The following PCBP1 variants were observed in gnomAD, a reference collection of about 807,000 sequenced individuals.
PCBP1 encodes poly(rC)-binding protein 1.
For synonymous variants in PCBP1, 284 were observed against 195.8 expected (o/e 1.45, Z -3.76); for missense variants, 244 against 474.4 (o/e 0.51, Z 4.51).
Position 70,088,380 on chromosome 2 carries a change from G to A in PCBP1, c.637G>A (p.Asp213Asn), listed in dbSNP as rs1440700316. The change falls in exon 1 of 1, where the codon GAC becomes AAC. Residue 213 changes from aspartate (D) to asparagine (N), a missense_variant. Transcript: ENST00000303577. This position sits in a 1 kb window ranked among gnomAD's most constrained non-coding sequence, Gnocchi z 4.5. The part of the protein sequence containing the change: ...DAAGYPHATH[D>N]LEGPPLDAYS... ...TGCGGGCTACCCCCATGCCACCCATGACCTGGAGGGACCACCTCTAGATGC... is the reference window on the plus strand; with the variant it reads ...TGCGGGCTACCCCCATGCCACCCATAACCTGGAGGGACCACCTCTAGATGC... 1 of 1,614,042 alleles carries A rather than the reference G, an allele frequency of 6.2e-7. No homozygotes were observed. Among genetic ancestry groups the A allele is most frequent in the Non-Finnish European group, 8.5e-7 (1 of 1,180,036 alleles).
rs1378784242 is a variant in PCBP1 at position 70,088,918 on chromosome 2, C to G, written c.*104C>G. ...AGGTTTTAAATAATTTGTAAGTGTTCAGTTTCTACACAACTTTATCATCCG... is the reference window on the plus strand; with the variant it reads ...AGGTTTTAAATAATTTGTAAGTGTTGAGTTTCTACACAACTTTATCATCCG... On this transcript the variant is annotated 3_prime_UTR_variant, in exon 1 of 1. Transcript: ENST00000303577. This position sits in a 1 kb window ranked among gnomAD's most constrained non-coding sequence, Gnocchi z 4.5. 2.6e-6 allele frequency: 2 copies of G among 772,028 alleles called. No individual in the cohort carries two copies. Among genetic ancestry groups the G allele is most frequent in the African/African-American group, 3.5e-5 (2 of 56,968 alleles). 47.8% of individuals were successfully genotyped at this position (772,028 alleles called of 1,614,324 possible).
Position 70,087,915 on chromosome 2 carries a change from A to C in PCBP1, c.172A>C (p.Ile58Leu). ...NISEGNCPER[I>L]ITLTGPTNAI... ...CTCGGAGGGGAATTGTCCGGAGAGA[A>C]TCATCACTCTGACCGGCCCCACCAA... The change falls in exon 1 of 1, where the codon ATC becomes CTC. Residue 58 changes from isoleucine (I) to leucine (L), a missense_variant. By Grantham distance (5) the Ile-to-Leu change is conservative. Coordinates refer to ENST00000303577, the MANE Select transcript of PCBP1 (RefSeq NM_006196.4). 1 of 1,611,806 alleles carries C rather than the reference A, an allele frequency of 6.2e-7. No individual in the cohort carries two copies. Among genetic ancestry groups the C allele is most frequent in the Non-Finnish European group, 8.5e-7 (1 of 1,178,298 alleles).
At position 70,087,723 on chromosome 2, in the gene PCBP1, G is replaced by A. The variant is rs895883811; in HGVS notation, c.-21G>A. 1.3e-6 allele frequency: 2 copies of A among 1,508,172 alleles called. No individual in the cohort carries two copies. Among genetic ancestry groups the A allele is most frequent in the Non-Finnish European group, 1.8e-6 (2 of 1,116,130 alleles). The allele number at this position is 1,508,172 out of a possible 1,614,324, so 93.4% of individuals were successfully genotyped here. A position where few individuals can be genotyped will look rare whatever the true frequency, so the allele number is the denominator to read the frequency against. On this transcript the variant is annotated 5_prime_UTR_variant, in exon 1 of 1. Coordinates refer to ENST00000303577, the MANE Select transcript of PCBP1 (RefSeq NM_006196.4). ...ACCACGTAACGAGCCCAACTCCCCC[G>A]AACGCCGCCCGCCGCTCGCCATGGA...
In PCBP1 at chr2:70,087,653, T is replaced by G; in HGVS notation, c.-91T>G. 2.4e-6 allele frequency: 2 copies of G among 836,770 alleles called. No homozygotes were observed. Among genetic ancestry groups the G allele is most frequent in the Non-Finnish European group, 3.7e-6 (2 of 546,130 alleles). 51.8% of individuals were successfully genotyped at this position (836,770 alleles called of 1,614,324 possible). A position where few individuals can be genotyped will look rare whatever the true frequency, so the allele number is the denominator to read the frequency against. ...CCCTCGCTCGCCTCGCGCCGGCAGT[T>G]TTGGGCCTACACCTCCCCTCCCCCC... On this transcript the variant is annotated 5_prime_UTR_variant, in exon 1 of 1. Transcript: ENST00000303577.
At position 70,088,369 on chromosome 2, in the gene PCBP1, A is replaced by T. The variant is rs991725375; in HGVS notation, c.626A>T (p.His209Leu). 5 of 1,613,978 alleles carry T rather than the reference A, an allele frequency of 3.1e-6. No homozygotes were observed. Among genetic ancestry groups the T allele is most frequent in the Non-Finnish European group, 4.2e-6 (5 of 1,180,028 alleles). ...TGCAGCGACGCTGCGGGCTACCCCCATGCCACCCATGACCTGGAGGGACCA... is the reference window on the plus strand; with the variant it reads ...TGCAGCGACGCTGCGGGCTACCCCCTTGCCACCCATGACCTGGAGGGACCA... ...DRCSDAAGYP[H>L]ATHDLEGPPL... Residue 209 changes from histidine to leucine, a missense_variant, in exon 1 of 1, where the codon CAT becomes CTT. Physicochemically the swap from His to Leu is moderately conservative, Grantham distance 99. Transcript: ENST00000303577. The surrounding 1 kb of genome is among the most constrained non-coding windows in gnomAD (Gnocchi z 4.5).
chr2:70,088,027 G>A lies in PCBP1; in HGVS notation c.284G>A (p.Arg95Lys). The change falls in exon 1 of 1, where the codon AGG becomes AAG. Residue 95 changes from arginine (R) to lysine (K), a missense_variant. Arg to Lys is a conservative substitution (Grantham distance 26, BLOSUM62 2). Transcript: ENST00000303577. The surrounding 1 kb of genome is among the most constrained non-coding windows in gnomAD (Gnocchi z 4.5). ...ATGACCAACAGTACCGCGGCCAGCA[G>A]GCCCCCGGTCACCCTGAGGCTGGTG... ...SSMTNSTAAS[R>K]PPVTLRLVVP... 6.2e-6 allele frequency: 10 copies of A among 1,613,832 alleles called. No individual in the cohort carries two copies. Among genetic ancestry groups the A allele is most frequent in the Non-Finnish European group, 7.6e-6 (9 of 1,180,022 alleles).
Position 70,088,493 on chromosome 2 carries a change from G to A in PCBP1, c.750G>A (p.Met250Ile). The stretch of plus-strand genomic sequence containing the variant: ...CAAGACAACAGTCTCACTTTGCCAT[G>A]ATGCACGGCGGGACCGGATTCGCCG... ...QVARQQSHFAMMHGGTGFAGI... is the reference protein window; with the variant it reads ...QVARQQSHFAIMHGGTGFAGI... Residue 250 changes from methionine (M) to isoleucine (I), a missense_variant, in exon 1 of 1, where the codon ATG (methionine) becomes ATA (isoleucine). Physicochemically the swap from Met to Ile is conservative, Grantham distance 10. Coordinates refer to ENST00000303577, the MANE Select transcript of PCBP1 (RefSeq NM_006196.4). This position sits in a 1 kb window ranked among gnomAD's most constrained non-coding sequence, Gnocchi z 4.5. 1.2e-6 allele frequency: 2 copies of A among 1,614,282 alleles called. No homozygotes were observed. Among genetic ancestry groups the A allele is most frequent in the Non-Finnish European group, 1.7e-6 (2 of 1,180,060 alleles).
rs957699402 is a variant in PCBP1 at position 70,088,948 on chromosome 2, G to C, written c.*134G>C. 2 of 643,310 alleles carry C rather than the reference G, an allele frequency of 3.1e-6. No homozygotes were observed. Among genetic ancestry groups the C allele is most frequent in the Non-Finnish European group, 5.3e-6 (2 of 374,750 alleles). 39.9% of individuals were successfully genotyped at this position (643,310 alleles called of 1,614,324 possible). A position where few individuals can be genotyped will look rare whatever the true frequency, so the allele number is the denominator to read the frequency against. ...TCTACACAACTTTATCATCCGCTAAGAATTTAAAAATCACATTCTCTGTTC... is the reference window on the plus strand; with the variant it reads ...TCTACACAACTTTATCATCCGCTAACAATTTAAAAATCACATTCTCTGTTC... On this transcript the variant is annotated 3_prime_UTR_variant, in exon 1 of 1. Coordinates refer to ENST00000303577, the MANE Select transcript of PCBP1 (RefSeq NM_006196.4). This position sits in a 1 kb window ranked among gnomAD's most constrained non-coding sequence, Gnocchi z 4.5.
rs2104761655 is a variant in PCBP1, at chr2:70,089,043, T to C, written c.*229T>C. The C allele has an allele frequency of 2.2e-6, 1 of 444,744 alleles. No homozygotes were observed. The highest frequency in any genetic ancestry group is 3.4e-5 in the East Asian group (1 of 29,344). The allele number at this position is 444,744 out of a possible 1,614,324, so 27.5% of individuals were successfully genotyped here. ...CTGTTTTTAGTTTTGTTTTGGGTTT[T>C]TTGGCTCATGAATTTTATTTCTGTT... On this transcript the variant is annotated 3_prime_UTR_variant, in exon 1 of 1. Transcript: ENST00000303577.
At position 70,087,586 on chromosome 2, in the gene PCBP1, A is replaced by G. The variant is rs1374811264; in HGVS notation, c.-158A>G. The G allele has an allele frequency of 3.6e-6, 1 of 275,008 alleles. No individual in the cohort carries two copies. Among genetic ancestry groups the G allele is most frequent in the Non-Finnish European group, 6.5e-6 (1 of 153,812 alleles). The allele number at this position is 275,008 out of a possible 1,614,324, so 17.0% of individuals were successfully genotyped here. ...TCCGCCGCCGCCGCCCGCCCCTGCG[A>G]CTACGCTGCGGCCTCCCGCCCGCTC... On this transcript the variant is annotated 5_prime_UTR_variant, in exon 1 of 1. Transcript: ENST00000303577.
In PCBP1 at chr2:70,087,671, C is replaced by T. The variant is rs373019614; in HGVS notation, c.-73C>T. On this transcript the variant is annotated 5_prime_UTR_variant, in exon 1 of 1. Transcript: ENST00000303577. ...CGGCAGTTTTGGGCCTACACCTCCC[C>T]TCCCCCCGCCAGCCGCCAAAGACTT... 1.4e-5 allele frequency: 15 copies of T among 1,074,786 alleles called. No individual in the cohort carries two copies. The African/African-American group carries it at 1.9e-4, about 14-fold the overall frequency. The allele number at this position is 1,074,786 out of a possible 1,614,324, so 66.6% of individuals were successfully genotyped here.
In PCBP1 at chr2:70,088,199, G is replaced by T. The variant is rs151272555; in HGVS notation, c.456G>T (p.Pro152=). 25 of 1,613,838 alleles carry T rather than the reference G, an allele frequency of 1.5e-5. No individual in the cohort carries two copies. The highest frequency in any genetic ancestry group is 2.0e-5 in the Non-Finnish European group (24 of 1,180,030). ...TERAITIAGV[P]QSVTECVKQI... The stretch of plus-strand genomic sequence containing the variant: ...GGGCCATCACCATCGCTGGCGTGCC[G>T]CAGTCTGTCACCGAGTGTGTCAAGC... The change falls in exon 1 of 1, where the codon CCG becomes CCT. Residue 152 remains proline (P), a synonymous_variant. Coordinates refer to ENST00000303577, the MANE Select transcript of PCBP1 (RefSeq NM_006196.4). This position sits in a 1 kb window ranked among gnomAD's most constrained non-coding sequence, Gnocchi z 4.5.
chr2:70,089,011 C>T lies in PCBP1; in HGVS notation c.*197C>T, dbSNP rs931822569. ...TGGGATCCATATTTAGTTTTATAAG[C>T]TTTTCCCTGTTTTTAGTTTTGTTTT... On this transcript the variant is annotated 3_prime_UTR_variant, in exon 1 of 1. Transcript: ENST00000303577. The T allele has an allele frequency of 6.2e-6, 3 of 487,352 alleles. No individual in the cohort carries two copies. The highest frequency in any genetic ancestry group is 5.9e-5 in the African/African-American group (3 of 51,158). The allele number at this position is 487,352 out of a possible 1,614,324, so 30.2% of individuals were successfully genotyped here.
chr2:70,088,190 T>A lies in PCBP1; in HGVS notation c.447T>A (p.Ala149=). 1.2e-6 allele frequency: 2 copies of A among 1,613,984 alleles called. No individual in the cohort carries two copies. The highest frequency in any genetic ancestry group is 2.2e-5 in the South Asian group (2 of 91,076). ...CCACCGAGCGGGCCATCACCATCGC[T>A]GGCGTGCCGCAGTCTGTCACCGAGT... ...PNSTERAITI[A]GVPQSVTECV... Residue 149 remains alanine, a synonymous_variant, in exon 1 of 1, where the codon GCT becomes GCA. Coordinates refer to ENST00000303577, the MANE Select transcript of PCBP1 (RefSeq NM_006196.4). The surrounding 1 kb of genome is among the most constrained non-coding windows in gnomAD (Gnocchi z 4.5).
chr2:70,088,547 A>G lies in PCBP1; in HGVS notation c.804A>G (p.Lys268=). The change falls in exon 1 of 1, where the codon AAA becomes AAG. Residue 268 remains lysine, a synonymous_variant. Transcript: ENST00000303577. This position sits in a 1 kb window ranked among gnomAD's most constrained non-coding sequence, Gnocchi z 4.5. ...TTGACTCCAGCTCTCCAGAGGTGAAAGGCTATTGGGCAAGTTTGGATGCAT... is the reference window on the plus strand; with the variant it reads ...TTGACTCCAGCTCTCCAGAGGTGAAGGGCTATTGGGCAAGTTTGGATGCAT... The part of the protein sequence containing the change: ...AGIDSSSPEV[K]GYWASLDAST... The G allele has an allele frequency of 6.2e-7, 1 of 1,614,266 alleles. No homozygotes were observed. The highest frequency in any genetic ancestry group is 8.5e-7 in the Non-Finnish European group (1 of 1,180,044).
At position 70,087,601 on chromosome 2, in the gene PCBP1, C is replaced by G. The variant is rs957926191; in HGVS notation, c.-143C>G. 3 of 393,972 alleles carry G rather than the reference C, an allele frequency of 7.6e-6. No homozygotes were observed. The highest frequency in any genetic ancestry group is 1.3e-5 in the Non-Finnish European group (3 of 228,374). 24.4% of individuals were successfully genotyped at this position (393,972 alleles called of 1,614,324 possible). A position where few individuals can be genotyped will look rare whatever the true frequency, so the allele number is the denominator to read the frequency against. ...CGCCCCTGCGACTACGCTGCGGCCTCCCGCCCGCTCCCGCTCGCTCCCGCG... is the reference window on the plus strand; with the variant it reads ...CGCCCCTGCGACTACGCTGCGGCCTGCCGCCCGCTCCCGCTCGCTCCCGCG... On this transcript the variant is annotated 5_prime_UTR_variant, in exon 1 of 1. Coordinates refer to ENST00000303577, the MANE Select transcript of PCBP1 (RefSeq NM_006196.4).
Position 70,088,363 on chromosome 2 carries a change from A to G in PCBP1, c.620A>G (p.Tyr207Cys), listed in dbSNP as rs1242735731. Residue 207 changes from tyrosine (Y) to cysteine (C), a missense_variant, in exon 1 of 1, where the codon TAC (tyrosine) becomes TGC (cysteine). By Grantham distance (194) the Tyr-to-Cys change is radical. Transcript: ENST00000303577. The surrounding 1 kb of genome is among the most constrained non-coding windows in gnomAD (Gnocchi z 4.5). ...GATCGGTGCAGCGACGCTGCGGGCT[A>G]CCCCCATGCCACCCATGACCTGGAG... ...GQDRCSDAAG[Y>C]PHATHDLEGP... The G allele has an allele frequency of 6.2e-7, 1 of 1,613,622 alleles. No individual in the cohort carries two copies. The highest frequency in any genetic ancestry group is 8.5e-7 in the Non-Finnish European group (1 of 1,180,006).
rs1671390009 is a variant in PCBP1, at chr2:70,089,153, T to A, written c.*339T>A. The A allele has an allele frequency of 4.2e-6, 1 of 235,508 alleles. No individual in the cohort carries two copies. Among genetic ancestry groups the A allele is most frequent in the African/African-American group, 2.3e-5 (1 of 43,488 alleles). 14.6% of individuals were successfully genotyped at this position (235,508 alleles called of 1,614,324 possible). A position where few individuals can be genotyped will look rare whatever the true frequency, so the allele number is the denominator to read the frequency against. The stretch of plus-strand genomic sequence containing the variant: ...AAGAATTTAAGAATTAAAAAACGGA[T>A]TGGTTAAAAAATGCTTCATATTTGA... On this transcript the variant is annotated 3_prime_UTR_variant, in exon 1 of 1. Transcript: ENST00000303577.
rs1671354730 is a variant in PCBP1 at position 70,087,729 on chromosome 2, C to T, written c.-15C>T. ...TAACGAGCCCAACTCCCCCGAACGC[C>T]GCCCGCCGCTCGCCATGGATGCCGG... On this transcript the variant is annotated 5_prime_UTR_variant, in exon 1 of 1. Coordinates refer to ENST00000303577, the MANE Select transcript of PCBP1 (RefSeq NM_006196.4). The T allele has an allele frequency of 1.3e-6, 2 of 1,520,974 alleles. No individual in the cohort carries two copies. Among genetic ancestry groups the T allele is most frequent in the Non-Finnish European group, 1.8e-6 (2 of 1,126,780 alleles). 94.2% of individuals were successfully genotyped at this position (1,520,974 alleles called of 1,614,324 possible). A position where few individuals can be genotyped will look rare whatever the true frequency, so the allele number is the denominator to read the frequency against.
Sources: allele counts gnomAD v4.1 joint callset, GRCh38; gene constraint gnomAD v4.1.1; non-coding constraint Gnocchi (gnomAD v3.1); transcripts MANE v1.5; gene names NCBI Gene and HGNC (gene_info 2026-07-23, HGNC 2026-07-21).